GPM6A: variants seen among roughly 807,000 people sequenced by gnomAD.
GPM6A encodes neuronal membrane glycoprotein M6-a.
A neutral mutation model predicts 32.1 loss-of-function variants in GPM6A; 7 were observed. That is an observed-to-expected ratio of 0.22 (90% CI 0.12 to 0.41). The LOEUF is 0.41. GPM6A is among the 10% of genes least tolerant of loss of function. The pLI is 1.00. For missense variants in GPM6A, 235 were observed against 347.2 expected, an observed-to-expected ratio of 0.68 and a Z score of 2.57; for synonymous variants, 130 against 123.4, an observed-to-expected ratio of 1.05 and a Z score of -0.35.
At chr4:176,000,135 G>T (rs1019806904) in intron 1 of GPM6A, among the ~76,000 whole-genome samples, 4 of 152,008 alleles carry the variant, frequency 2.6e-5, no homozygotes, top group African/African-American at 9.7e-5. Context: ...CTCACCTCTG[G>T]CTTCCTCACT....
At position 175,701,770 on chromosome 4, in the gene GPM6A, G is replaced by A. The variant is rs1744894804; in HGVS notation, c.38-3C>T. ...TTTGATACAGCATTCAAAACACCCTGTAGAAGATCACAAAGGGAGAAATTC... is the reference window on the plus strand; with the variant it reads ...TTTGATACAGCATTCAAAACACCCTATAGAAGATCACAAAGGGAGAAATTC... On this transcript the variant is annotated splice_polypyrimidine_tract_variant and splice_region_variant and intron_variant, in intron 1 of 6. Transcript: ENST00000393658. The A allele has an allele frequency of 1.3e-6, 2 of 1,582,212 alleles. No homozygotes were observed. Among genetic ancestry groups the A allele is most frequent in the Admixed American group, 1.9e-5 (1 of 54,012 alleles).
At chr4:175,957,376 C>T (rs1053486724) in intron 1 of GPM6A, among the ~76,000 whole-genome samples, 3 of 152,168 alleles carry the variant, frequency 2.0e-5, no homozygotes, top group African/African-American at 7.2e-5. Context: ...TGAACAAATT[C>T]ATAGGTAAGT....
intron 1 of GPM6A, among the ~76,000 whole-genome samples, chr4:175,852,272 A>G (rs1276708996): frequency 6.6e-6 from 1 of 152,156 alleles, no homozygotes; most frequent in African/African-American, 2.4e-5. Flanking sequence ...GAGAGTAAAG[A>G]GAATAAGAAA....
At chr4:175,644,129 T>G (rs973621709) in intron 4 of GPM6A, among the ~76,000 whole-genome samples, 2 of 148,700 alleles carry the variant, frequency 1.3e-5, no homozygotes, top group African/African-American at 2.5e-5. Flanking sequence ...TTGTTTTTTT[T>G]TTTTTTTTTT....
At chr4:175,787,407 C>A in intron 1 of GPM6A, 1 of 1,534,736 alleles carries the variant, frequency 6.5e-7, no homozygotes, top group South Asian at 1.2e-5. Flanking sequence ...TCCCTTGATT[C>A]AAGGGCATAA....
intron 1 of GPM6A, among the ~76,000 whole-genome samples, chr4:175,965,648 C>T (rs1015519981): frequency 6.6e-6 from 1 of 151,442 alleles, no homozygotes; most frequent in Admixed American, 6.6e-5. Flanking sequence ...GAGTTTCACC[C>T]TGTCTCCCAG....
At chr4:175,957,952 G>A (rs1425622245) in intron 1 of GPM6A, among the ~76,000 whole-genome samples, 1 of 152,126 alleles carries the variant, frequency 6.6e-6, no homozygotes, top group Admixed American at 6.6e-5. Context: ...GAGTGCAATG[G>A]TGCAATCCTG....
chr4:175,780,678 T>C (rs1298561122), intron 1 of GPM6A, among the ~76,000 whole-genome samples: 1 of 152,210 alleles, frequency 6.6e-6, no homozygotes, highest in African/African-American at 2.4e-5. Flanking sequence ...TTATGACAAT[T>C]TGAATTTCCA....
intron 1 of GPM6A, among the ~76,000 whole-genome samples, chr4:175,888,891 C>T (rs1173294847): frequency 6.6e-6 from 1 of 151,944 alleles, no homozygotes; most frequent in African/African-American, 2.4e-5. Context: ...TCAGCTTTGA[C>T]CAAGAAACAG....
intron 1 of GPM6A, among the ~76,000 whole-genome samples, chr4:175,892,048 G>T (rs1360503899): frequency 6.6e-6 from 1 of 152,092 alleles, no homozygotes; most frequent in Non-Finnish European, 1.5e-5. Context: ...GGGCTTGTTT[G>T]GGAAGCAGTC....
intron 1 of GPM6A, among the ~76,000 whole-genome samples, chr4:175,735,907 A>T (rs528167178): frequency 1.3e-5 from 2 of 152,280 alleles, no homozygotes; most frequent in Admixed American, 6.5e-5. Flanking sequence ...TAAATGTCAT[A>T]TGTCTAGAGT....
chr4:175,970,918 A>G (rs1424407443), intron 1 of GPM6A: 1 of 456,018 alleles, frequency 2.2e-6, no homozygotes, highest in Non-Finnish European at 4.4e-6. Context: ...TTTTTTCCCA[A>G]CTGAAGAACA....
At chr4:175,845,510 A>C (rs1375345782) in intron 1 of GPM6A, among the ~76,000 whole-genome samples, 1 of 152,130 alleles carries the variant, frequency 6.6e-6, no homozygotes, top group South Asian at 2.1e-4. Context: ...GCATCTATGC[A>C]TATATAGAGT....
intron 1 of GPM6A, among the ~76,000 whole-genome samples, chr4:175,873,994 A>G (rs1481436954): frequency 6.6e-6 from 1 of 152,218 alleles, no homozygotes; most frequent in Non-Finnish European, 1.5e-5. Flanking sequence ...TAAACAAAGT[A>G]ATAAAAGAGT....
intron 1 of GPM6A, among the ~76,000 whole-genome samples, chr4:175,723,756 T>G (rs1166234303): frequency 1.3e-5 from 2 of 152,208 alleles, no homozygotes; most frequent in Non-Finnish European, 2.9e-5. Context: ...ATACTAAATA[T>G]TGAATCTTTT....
intron 1 of GPM6A, chr4:175,970,961 T>C: frequency 2.2e-6 from 1 of 452,016 alleles, no homozygotes; most frequent in Non-Finnish European, 4.4e-6. Context: ...CGCCAGAGCC[T>C]GTGCTTGAGC....
At chr4:175,892,815 G>A (rs73871251) in intron 1 of GPM6A, among the ~76,000 whole-genome samples, 2,363 of 152,236 alleles carry the variant, frequency 0.016, 56 homozygotes, top group African/African-American at 0.054. Context: ...TAAAAGCTCC[G>A]TCTTCCAGAT....
chr4:175,842,634 C>T (rs1259197860), intron 1 of GPM6A, among the ~76,000 whole-genome samples: 1 of 152,112 alleles, frequency 6.6e-6, no homozygotes, highest in African/African-American at 2.4e-5. Context: ...GAGTTCAATG[C>T]TTCAGTGAGC....
At chr4:175,880,877 T>G (rs1027173221) in intron 1 of GPM6A, among the ~76,000 whole-genome samples, 1 of 152,190 alleles carries the variant, frequency 6.6e-6, no homozygotes, top group Non-Finnish European at 1.5e-5. Context: ...TACCCTTTAT[T>G]TCTTTCTCTT....
Sources: gnomAD v4.1 joint callset for allele counts (sites outside exome capture counted in the v4.1 genomes callset) on GRCh38, gnomAD v4.1.1 for gene constraint, MANE v1.5 for transcripts, NCBI Gene and HGNC (gene_info 2026-07-23, HGNC 2026-07-21) for gene names.